Variants in CCN6 observed in about 807,000 individuals in gnomAD.
The protein encoded by CCN6 is cellular communication network factor 6.
In CCN6, 31 loss-of-function variants were observed where a neutral mutation model predicts 37.4. The ratio of observed to expected loss-of-function variants is 0.83; its 90% CI spans 0.62 to 1.12. The LOEUF (loss-of-function observed/expected upper bound fraction) is 1.12, where lower values mean the gene tolerates loss of function less well. Among genes scored for constraint, CCN6 ranks in the 50% most tolerant of loss-of-function variants. The pLI, the probability that CCN6 is intolerant of heterozygous loss-of-function variation, is 0.00. For synonymous variants in CCN6, 137 were observed against 142.1 expected (o/e 0.96, Z 0.26); for missense variants, 369 against 413.8 (o/e 0.89, Z 0.94).
chr6:112,065,384 C>G (rs1343333156), intron 3 of CCN6, among the ~76,000 whole-genome samples: 1 of 151,998 alleles, frequency 6.6e-6, no homozygotes, highest in Admixed American at 6.5e-5. Context: ...TTCACTTCCC[C>G]AAATTTTAAA....
rs1164581709 is a variant in CCN6 at position 112,069,465 on chromosome 6, T to A, written c.910T>A (p.Cys304Ser). Reference sequence around the variant, plus strand: ...TTGTGGAATATGCTTGGATAAGAGATGCTGTATCCCTAATAAGTCTAAAAT... The same window carrying A: ...TTGTGGAATATGCTTGGATAAGAGAAGCTGTATCCCTAATAAGTCTAAAAT... ...TFCGICLDKR[C>S]CIPNKSKMIT... Residue 304 changes from cysteine to serine, a missense_variant, in exon 5 of 5, where the codon TGC becomes AGC. Physicochemically the swap from Cys to Ser is moderately radical, Grantham distance 112 (BLOSUM62 -1). Coordinates refer to ENST00000368666, the MANE Select transcript of CCN6 (RefSeq NM_198239.2). 1 of 1,613,660 alleles carries A rather than the reference T, an allele frequency of 6.2e-7. No homozygotes were observed. Among genetic ancestry groups the A allele is most frequent in the Non-Finnish European group, 8.5e-7 (1 of 1,179,854 alleles).
intron 2 of CCN6, among the ~76,000 whole-genome samples, chr6:112,062,524 C>G (rs1776557794): frequency 6.6e-6 from 1 of 152,238 alleles, no homozygotes; most frequent in Non-Finnish European, 1.5e-5. Context: ...TCAGACCTTT[C>G]TGTAAGTAAT....
chr6:112,060,513 A>G (rs1219756759), intron 1 of CCN6, among the ~76,000 whole-genome samples: 3 of 152,204 alleles, frequency 2.0e-5, no homozygotes, highest in African/African-American at 7.2e-5. Flanking sequence ...AAGTGTGTGG[A>G]AGAGCAGAGT....
intron 3 of CCN6, among the ~76,000 whole-genome samples, chr6:112,065,601 A>ACAAAC (rs1562597599): frequency 0.015 from 2,155 of 144,208 alleles, 64 homozygotes; most frequent in African/African-American, 0.053. Context: ...CACACACACA[A>ACAAAC]ACACACACGC....
intron 3 of CCN6, chr6:112,067,096 A>T (rs879989490): frequency 8.1e-7 from 1 of 1,233,416 alleles, no homozygotes; most frequent in African/African-American, 1.5e-5. Flanking sequence ...CTCTACTGTC[A>T]TAACACTGAA....
At chr6:112,061,793 C>T (rs1776532154) in intron 2 of CCN6, among the ~76,000 whole-genome samples, 1 of 152,160 alleles carries the variant, frequency 6.6e-6, no homozygotes, top group South Asian at 2.1e-4. Context: ...GAGGTCACCC[C>T]AAACCACAAC....
intron 1 of CCN6, among the ~76,000 whole-genome samples, chr6:112,056,211 A>G (rs782344728): frequency 2.0e-5 from 3 of 152,166 alleles, no homozygotes; most frequent in Non-Finnish European, 4.4e-5. Context: ...TACTATCATA[A>G]CAGAAGATCT....
intron 1 of CCN6, among the ~76,000 whole-genome samples, chr6:112,058,108 A>C (rs936171069): frequency 3.9e-5 from 6 of 152,158 alleles, no homozygotes; most frequent in African/African-American, 1.4e-4. Context: ...TTCTAGCTTC[A>C]CTATTTCTAC....
At position 112,054,134 on chromosome 6, in the gene CCN6, G is replaced by A; in HGVS notation, c.-224G>A. 1.4e-6 allele frequency: 1 copy of A among 731,856 alleles called. No homozygotes were observed. The highest frequency in any genetic ancestry group is 1.5e-5 in the South Asian group (1 of 67,056). The allele number at this position is 731,856 out of a possible 1,614,324, so 45.3% of individuals were successfully genotyped here. ...TGACCTGTGACACGCTCACTGCGAA[G>A]GCAGGTTATTAGAAGAGTCCCATGA... On this transcript the variant is annotated 5_prime_UTR_variant, in exon 1 of 5. Transcript: ENST00000368666.
At chr6:112,058,035 A>C (rs587726618) in intron 1 of CCN6, among the ~76,000 whole-genome samples, 1 of 152,314 alleles carries the variant, frequency 6.6e-6, no homozygotes, top group Non-Finnish European at 1.5e-5. Flanking sequence ...TGGTGGCTAT[A>C]GCTGAACCTG....
chr6:112,055,371 T>C (rs1554311601), intron 1 of CCN6, among the ~76,000 whole-genome samples: 3 of 152,172 alleles, frequency 2.0e-5, no homozygotes, highest in African/African-American at 7.2e-5. Flanking sequence ...TGAGAGCAGC[T>C]AGATGTTCTT....
Position 112,054,378 on chromosome 6 carries a change from C to T in CCN6, c.21C>T (p.Ser7=). Residue 7 remains serine (S), a synonymous_variant, in exon 1 of 5, where the codon TCC becomes TCT. Transcript: ENST00000368666. ...GCGACATGCAGGGGCTCCTCTTCTC[C>T]ACTCTTCTGCTTGCTGGCCTGGCAC... MQGLLF[S]TLLLAGLAQF... is the part of the protein sequence containing the mutation. The T allele has an allele frequency of 1.2e-6, 2 of 1,613,624 alleles. No individual in the cohort carries two copies. Among genetic ancestry groups the T allele is most frequent in the South Asian group, 2.2e-5 (2 of 91,012 alleles).
rs587688080 is a variant in CCN6, at chr6:112,060,845, G to T, written c.49-146G>T. 36 of 938,806 alleles carry T rather than the reference G, an allele frequency of 3.8e-5. No individual in the cohort carries two copies. In the Admixed American group the frequency reaches 7.4e-4, roughly 19 times the overall value. 58.2% of individuals were successfully genotyped at this position (938,806 alleles called of 1,614,324 possible). On this transcript the variant is annotated intron_variant, in intron 1 of 4. Transcript: ENST00000368666. ...CTGAGTGAAGAATAGTTTAAGGAGA[G>T]TAATTGTGTCAAATGCTGATAGGTG...
intron 1 of CCN6, chr6:112,054,740 G>A: frequency 3.3e-6 from 1 of 305,538 alleles, no homozygotes; most frequent in South Asian, 3.6e-5. Flanking sequence ...GTCTCTCCAT[G>A]CCAGCTCCAG....
intron 1 of CCN6, chr6:112,054,811 A>T (rs1391227277): frequency 8.9e-6 from 2 of 223,710 alleles, no homozygotes; most frequent in South Asian, 6.9e-5. Flanking sequence ...GGAAAAACGA[A>T]TTTTGACAGC....
At chr6:112,058,902 A>C (rs967111018) in intron 1 of CCN6, among the ~76,000 whole-genome samples, 9 of 152,202 alleles carry the variant, frequency 5.9e-5, no homozygotes, top group Admixed American at 2.6e-4. Flanking sequence ...TGGTGACGCC[A>C]TTCACTAAAA....
At chr6:112,060,860 G>A in intron 1 of CCN6, 131 bp from the exon 2 acceptor site, 1 of 1,056,028 alleles carries the variant, frequency 9.5e-7, no homozygotes. Flanking sequence ...TGTGTCAAAT[G>A]CTGATAGGTG....
intron 4 of CCN6, among the ~76,000 whole-genome samples, chr6:112,068,875 T>G (rs896269748): frequency 6.6e-6 from 1 of 152,020 alleles, no homozygotes; most frequent in Non-Finnish European, 1.5e-5. Context: ...AAAAGGGTAA[T>G]TTTTAGAAAT....
chr6:112,067,117 C>A, intron 3 of CCN6: 1 of 1,046,872 alleles, frequency 9.6e-7, no homozygotes, highest in Non-Finnish European at 1.3e-6. Context: ...AGCAGTGTCA[C>A]AGTATCAATT....
Sources: gnomAD v4.1 joint callset for allele counts (sites outside exome capture counted in the v4.1 genomes callset) on GRCh38, gnomAD v4.1.1 for gene constraint, MANE v1.5 for transcripts, NCBI Gene and HGNC (gene_info 2026-07-23, HGNC 2026-07-21) for gene names.